The following CDC20B variants were observed in gnomAD, a reference collection of about 807,000 sequenced individuals.
CDC20B encodes the protein cell division cycle 20B.
In CDC20B, 58 loss-of-function variants were observed where a neutral mutation model predicts 64.1. The ratio of observed to expected loss-of-function variants is 0.90; its 90% CI spans 0.73 to 1.13. The LOEUF (loss-of-function observed/expected upper bound fraction) is 1.13, where lower values mean the gene tolerates loss of function less well. Ranked by LOEUF, CDC20B falls within the 50% of genes most tolerant of loss-of-function variation. The pLI, the probability that CDC20B is intolerant of heterozygous loss-of-function variation, is 0.00. For missense variants in CDC20B, 597 were observed against 633.0 expected (o/e 0.94, Z 0.61); for synonymous variants, 243 against 230.6 (o/e 1.05, Z -0.49).
chr5:55,131,714 A>G (rs1294345637), intron 6 of CDC20B, among the ~76,000 whole-genome samples: 1 of 152,242 alleles, frequency 6.6e-6, no homozygotes, highest in East Asian at 1.9e-4. Context: ...GGAGAGAAAT[A>G]GAAAATTATA....
At chr5:55,141,982 T>C (rs1449306479) in intron 4 of CDC20B, among the ~76,000 whole-genome samples, 1 of 152,222 alleles carries the variant, frequency 6.6e-6, no homozygotes, top group Non-Finnish European at 1.5e-5. Flanking sequence ...TATAAAATAA[T>C]ATTCCTAAAA....
At chr5:55,126,835 A>G (rs1452263577) in intron 8 of CDC20B, among the ~76,000 whole-genome samples, 1 of 152,216 alleles carries the variant, frequency 6.6e-6, no homozygotes, top group African/African-American at 2.4e-5. Flanking sequence ...AGGATAATCT[A>G]TGAGGTTCCT....
intron 2 of CDC20B, among the ~76,000 whole-genome samples, chr5:55,169,941 G>C (rs1744537357): frequency 1.3e-5 from 2 of 151,996 alleles, no homozygotes; most frequent in Admixed American, 6.5e-5. Flanking sequence ...GTGAAACCCC[G>C]TCTCTACTAA....
In CDC20B at chr5:55,163,946, A is replaced by G. The variant is rs1053423624; in HGVS notation, c.126+8642T>C. On this transcript the variant is annotated intron_variant, in intron 2 of 11. Coordinates refer to ENST00000381375, the MANE Select transcript of CDC20B (RefSeq NM_001170402.1). ...GGTGTTTTGTTTTTTATATTATGAC[A>G]GTCCTAGAACTTGATACTAAAGTTA... is the stretch of plus-strand genomic sequence containing the variant. The G allele has an allele frequency of 1.2e-5, 9 of 765,060 alleles. No homozygotes were observed. The South Asian group carries it at 2.0e-4, about 17-fold the overall frequency. The allele number at this position is 765,060 out of a possible 1,614,324, so 47.4% of individuals were successfully genotyped here. A position where few individuals can be genotyped will look rare whatever the true frequency, so the allele number is the denominator to read the frequency against.
At chr5:55,128,290 T>C (rs1742943873) in intron 7 of CDC20B, 131 bp downstream of exon 7, 1 of 534,728 alleles carries the variant, frequency 1.9e-6, no homozygotes. Context: ...CGGAATGTCA[T>C]CTCCTTTTAT....
chr5:55,161,275 A>G (rs1012296164), intron 2 of CDC20B: 7 of 1,603,982 alleles, frequency 4.4e-6, no homozygotes, highest in Non-Finnish European at 4.3e-6. Context: ...TGCCTTGCAT[A>G]TGCTGTTTTA....
At chr5:55,153,374 G>C (rs1364762638) in intron 2 of CDC20B, among the ~76,000 whole-genome samples, 2 of 151,952 alleles carry the variant, frequency 1.3e-5, no homozygotes, top group Non-Finnish European at 2.9e-5. Flanking sequence ...GTTCAAGTCT[G>C]TAGGGCCAAA....
chr5:55,168,943 A>G (rs910030367), intron 2 of CDC20B, among the ~76,000 whole-genome samples: 1 of 152,344 alleles, frequency 6.6e-6, no homozygotes, highest in East Asian at 1.9e-4. Context: ...TTTATGTAAC[A>G]AACCTGCACA....
chr5:55,125,028 ACTG>A lies in CDC20B; in HGVS notation c.990-3_990-1del, dbSNP rs1742850157. The stretch of plus-strand genomic sequence containing the variant: ...GATAAACACGCCCCAGTCTTGACCC[ACTG>A]CGAGTTTACATAACAAAAAAATTAA... On this transcript the variant is annotated splice_acceptor_variant and splice_polypyrimidine_tract_variant and intron_variant, in intron 8 of 11. Coordinates refer to ENST00000381375, the MANE Select transcript of CDC20B (RefSeq NM_001170402.1). LOFTEE classifies it high-confidence loss of function. The A allele has an allele frequency of 6.2e-7, 1 of 1,605,586 alleles. No individual in the cohort carries two copies. The highest frequency in any genetic ancestry group is 8.5e-7 in the Non-Finnish European group (1 of 1,172,850).
chr5:55,141,386 G>A (rs1318412203), intron 4 of CDC20B, among the ~76,000 whole-genome samples: 1 of 152,180 alleles, frequency 6.6e-6, no homozygotes, highest in East Asian at 1.9e-4. Flanking sequence ...TTCTCCAGGT[G>A]CCAGCTTCTG....
Position 55,173,173 on chromosome 5 carries a change from G to A in CDC20B, c.-173C>T. 1 of 589,248 alleles carries A rather than the reference G, an allele frequency of 1.7e-6. No individual in the cohort carries two copies. The highest frequency in any genetic ancestry group is 3.0e-6 in the Non-Finnish European group (1 of 334,040). 36.5% of individuals were successfully genotyped at this position (589,248 alleles called of 1,614,324 possible). A position where few individuals can be genotyped will look rare whatever the true frequency, so the allele number is the denominator to read the frequency against. On this transcript the variant is annotated 5_prime_UTR_variant, in exon 1 of 12. Transcript: ENST00000381375. ...CAGGTCCCCCACTCCTCCCACCGCC[G>A]CTGCAAGGTGTTCCCCAGGGTACCA...
At chr5:55,170,063 G>A (rs1744544508) in intron 2 of CDC20B, among the ~76,000 whole-genome samples, 1 of 151,802 alleles carries the variant, frequency 6.6e-6, no homozygotes, top group Admixed American at 6.6e-5. Context: ...GCAGTGAGCC[G>A]AGATCGCGCC....
At chr5:55,122,713 A>G (rs888018338) in intron 9 of CDC20B, among the ~76,000 whole-genome samples, 1 of 152,234 alleles carries the variant, frequency 6.6e-6, no homozygotes, top group African/African-American at 2.4e-5. Context: ...GCCCTGAAGC[A>G]CAAACTCCCA....
At chr5:55,155,444 G>A (rs972585017) in intron 2 of CDC20B, among the ~76,000 whole-genome samples, 1 of 152,156 alleles carries the variant, frequency 6.6e-6, no homozygotes, top group Admixed American at 6.5e-5. Flanking sequence ...AGACAGCCCA[G>A]GTAGCTCTGA....
At position 55,172,644 on chromosome 5, in the gene CDC20B, T is replaced by C; in HGVS notation, c.70A>G (p.Ile24Val). 6.2e-7 allele frequency: 1 copy of C among 1,611,244 alleles called. No individual in the cohort carries two copies. ...AAGTCTTTGGAGAGCACACGCATGATACTTTCCTTTGAAAACACAGATAAC... is the reference window on the plus strand; with the variant it reads ...AAGTCTTTGGAGAGCACACGCATGACACTTTCCTTTGAAAACACAGATAAC... ...RTEEEMLWES[I>V]MRVLSKDLKQ... is the part of the protein sequence containing the mutation. The change falls in exon 2 of 12, where the codon ATC becomes GTC. Residue 24 changes from isoleucine (I) to valine (V), a missense_variant. This residue lies in a region of CDC20B where 241 missense variants were observed against 219.2 expected (regional missense o/e 1.10). Coordinates refer to ENST00000381375, the MANE Select transcript of CDC20B (RefSeq NM_001170402.1).
chr5:55,125,538 T>G (rs942417160), intron 8 of CDC20B, among the ~76,000 whole-genome samples: 16 of 152,228 alleles, frequency 1.1e-4, no homozygotes, highest in African/African-American at 3.9e-4. Flanking sequence ...ACTAAACTTC[T>G]TTGTAAAAGA....
chr5:55,151,226 T>C (rs1743659605), intron 2 of CDC20B, among the ~76,000 whole-genome samples: 1 of 152,214 alleles, frequency 6.6e-6, no homozygotes, highest in Non-Finnish European at 1.5e-5. Flanking sequence ...ATAAAAGATA[T>C]TAGAAATTTA....
chr5:55,164,177 C>A, intron 2 of CDC20B: 1 of 1,586,248 alleles, frequency 6.3e-7, no homozygotes, highest in Non-Finnish European at 8.6e-7. Flanking sequence ...CATAGCAGCT[C>A]TGGTTAGACA....
In CDC20B at chr5:55,124,925, G is replaced by A; in HGVS notation, c.1093C>T (p.Pro365Ser). 6.2e-7 allele frequency: 1 copy of A among 1,614,158 alleles called. No homozygotes were observed. The change falls in exon 9 of 12, where the codon CCG becomes TCG. Residue 365 changes from proline (P) to serine (S), a missense_variant. Around this residue, in one of 3 missense-constraint regions of CDC20B, gnomAD observed 353 missense variants for 397.0 expected, o/e 0.89. Transcript: ENST00000381375. ...KQAVCALKWS[P>S]DGRLLSSGCS... ...CCGCTGGAAAGCAGCCTGCCATCCG[G>A]TGACCACTTCAGAGCACACACAGCT...
Sources: gnomAD v4.1 joint callset for allele counts (sites outside exome capture counted in the v4.1 genomes callset) on GRCh38, gnomAD v4.1.1 for gene constraint, gnomAD v4.1.1 regional missense constraint, MANE v1.5 for transcripts, NCBI Gene and HGNC (gene_info 2026-07-23, HGNC 2026-07-21) for gene names.